Variants in ERG observed in about 807,000 individuals in gnomAD.
ERG encodes the protein transcriptional regulator ERG.
In ERG, 9 loss-of-function variants were observed where a neutral mutation model predicts 55.3. That is an observed-to-expected ratio of 0.16 (90% CI 0.10 to 0.28). The LOEUF (loss-of-function observed/expected upper bound fraction) is 0.28. ERG is among the 10% of genes least tolerant of loss of function. The pLI, the probability that ERG is intolerant of heterozygous loss-of-function variation, is 1.00. For missense variants in ERG, 434 were observed against 631.6 expected (o/e 0.69, Z 3.35); for synonymous variants, 223 against 237.3 (o/e 0.94, Z 0.55).
intron 2 of ERG, among the ~76,000 whole-genome samples, chr21:38,539,465 T>C (rs989359716): frequency 6.6e-6 from 1 of 152,198 alleles, no homozygotes; most frequent in East Asian, 1.9e-4. Flanking sequence ...TGGAAATTAG[T>C]GTAGGTAGTT....
At chr21:38,590,587 T>C (rs1383190568) in intron 1 of ERG, among the ~76,000 whole-genome samples, 1 of 151,856 alleles carries the variant, frequency 6.6e-6, no homozygotes, top group East Asian at 1.9e-4. Context: ...CATCCATCCA[T>C]CCATCCATCC....
chr21:38,392,380 C>T lies in ERG; in HGVS notation c.810G>A (p.Ser270=), dbSNP rs552737607. The change falls in exon 7 of 10, where the codon TCG becomes TCA. Residue 270 remains serine (S), a synonymous_variant. Transcript: ENST00000288319. The part of the protein sequence containing the change: ...WTGHGHPTPQ[S]KAAQPSPSTV... ...TCATGGGAGCCAACACTGTACCTTT[C>T]GACTGGGGCGTGGGGTGGCCGTGAC... 2.6e-5 allele frequency: 40 copies of T among 1,564,892 alleles called. No individual in the cohort carries two copies. The highest frequency in any genetic ancestry group is 3.7e-5 in the Admixed American group (2 of 53,542).
intron 5 of ERG, among the ~76,000 whole-genome samples, chr21:38,400,950 C>T (rs1988462073): frequency 2.0e-5 from 3 of 152,124 alleles, no homozygotes; most frequent in South Asian, 2.1e-4. Context: ...TGGGCAATCT[C>T]GTTTTATTAA....
chr21:38,408,079 T>G (rs1988858233), intron 3 of ERG, among the ~76,000 whole-genome samples: 1 of 152,100 alleles, frequency 6.6e-6, no homozygotes, highest in African/African-American at 2.4e-5. Flanking sequence ...CCACATCCTT[T>G]TAGCATTTGA....
intron 1 of ERG, among the ~76,000 whole-genome samples, chr21:38,621,702 A>G (rs1006805814): frequency 1.3e-5 from 2 of 152,162 alleles, no homozygotes; most frequent in African/African-American, 4.8e-5. Flanking sequence ...AGATCCCCCC[A>G]GAAAGGAGGG....
chr21:38,379,853 C>T (rs1199974993), downstream of ERG, among the ~76,000 whole-genome samples: 1 of 152,090 alleles, frequency 6.6e-6, no homozygotes, highest in Admixed American at 6.5e-5. Flanking sequence ...CCACCATGCC[C>T]GGCTTTTTGT....
At chr21:38,484,170 G>C (rs1230682643) in intron 1 of ERG, among the ~76,000 whole-genome samples, 1 of 152,122 alleles carries the variant, frequency 6.6e-6, no homozygotes, top group Non-Finnish European at 1.5e-5. Context: ...TCACTGTGTT[G>C]CCCAGGCTGG....
At chr21:38,586,701 T>C (rs1199639060), upstream of ERG, among the ~76,000 whole-genome samples, 2 of 152,188 alleles carry the variant, frequency 1.3e-5, no homozygotes, top group African/African-American at 2.4e-5. Flanking sequence ...AAATACTATA[T>C]GTTTTACAAA....
At chr21:38,451,493 A>G (rs2058941328) in intron 1 of ERG, among the ~76,000 whole-genome samples, 1 of 152,216 alleles carries the variant, frequency 6.6e-6, no homozygotes, top group Admixed American at 6.5e-5. Flanking sequence ...TAGGAGTACC[A>G]TTTATAAATA....
upstream of ERG, chr21:38,502,640 A>G (rs2059429369): frequency 6.5e-6 from 1 of 152,992 alleles, no homozygotes; most frequent in Non-Finnish European, 1.5e-5. Flanking sequence ...TGTTCAACAG[A>G]AAAACCCATG....
intron 2 of ERG, among the ~76,000 whole-genome samples, chr21:38,574,748 A>T (rs2146863079): frequency 6.6e-6 from 1 of 152,374 alleles, no homozygotes; most frequent in African/African-American, 2.4e-5. Flanking sequence ...GTTTTAGGCA[A>T]GGAATATACA....
Position 38,650,364 on chromosome 21 carries a change from C to T in ERG, c.-150+11294G>A, listed in dbSNP as rs190884066. Reference sequence around the variant, plus strand: ...CTTTAAGAGTAGCATAGGCTGGGCACGGTGGCTCAGCCTGTAATCCCAACA... The same window carrying T: ...CTTTAAGAGTAGCATAGGCTGGGCATGGTGGCTCAGCCTGTAATCCCAACA... On this transcript the variant is annotated intron_variant, in intron 1 of 10. Transcript: ENST00000398910. Among the ~76,000 whole-genome samples, 17 of 152,224 alleles carry T rather than the reference C, an allele frequency of 1.1e-4. No homozygotes were observed. The East Asian group carries it at 2.9e-3, about 26-fold the overall frequency.
At chr21:38,638,810 C>T (rs1472911927) in intron 1 of ERG, among the ~76,000 whole-genome samples, 2 of 152,140 alleles carry the variant, frequency 1.3e-5, no homozygotes, top group African/African-American at 4.8e-5. Context: ...GCTCCCTCCT[C>T]CTCCCACATC....
chr21:38,473,159 CA>C (rs33994175), intron 1 of ERG, among the ~76,000 whole-genome samples: 33,486 of 105,856 alleles, frequency 0.32, 3,959 homozygotes, highest in East Asian at 0.69. Flanking sequence ...AGGATGCGCT[CA>C]AAAAAAAAAA....
At chr21:38,649,330 T>C (rs2146983157) in intron 1 of ERG, among the ~76,000 whole-genome samples, 1 of 152,214 alleles carries the variant, frequency 6.6e-6, no homozygotes, top group African/African-American at 2.4e-5. Context: ...AAGGTCTCCC[T>C]TGATGATGTG....
intron 1 of ERG, among the ~76,000 whole-genome samples, chr21:38,458,672 T>G (rs2059013092): frequency 2.0e-5 from 3 of 152,180 alleles, no homozygotes; most frequent in South Asian, 4.1e-4. Context: ...TCTCTAACCT[T>G]CATACTTTGC....
intron 1 of ERG, among the ~76,000 whole-genome samples, chr21:38,579,735 G>T (rs946765810): frequency 6.6e-6 from 1 of 152,056 alleles, no homozygotes; most frequent in Non-Finnish European, 1.5e-5. Flanking sequence ...CTCCACACCA[G>T]CTCAGCGAAA....
intron 6 of ERG, among the ~76,000 whole-genome samples, chr21:38,398,534 C>T (rs1464234612): frequency 2.0e-5 from 3 of 152,232 alleles, no homozygotes; most frequent in East Asian, 1.9e-4. Context: ...TCCCAGGTCA[C>T]GCTCAAATTA....
chr21:38,487,463 T>G (rs1840113619), intron 1 of ERG, among the ~76,000 whole-genome samples: 1 of 152,082 alleles, frequency 6.6e-6, no homozygotes, highest in Non-Finnish European at 1.5e-5. Flanking sequence ...CTAAAGAAAA[T>G]AAAATAAAAC....
Sources: gnomAD v4.1 joint callset for allele counts (sites outside exome capture counted in the v4.1 genomes callset) on GRCh38, gnomAD v4.1.1 for gene constraint, MANE v1.5 for transcripts, NCBI Gene and HGNC (gene_info 2026-07-23, HGNC 2026-07-21) for gene names.